METTL16: variants seen among roughly 807,000 people sequenced by gnomAD.
The protein encoded by METTL16 is RNA N(6)-adenosine-methyltransferase METTL16.
In METTL16, 19 loss-of-function variants were observed where a neutral mutation model predicts 57.9. The observed-to-expected ratio is 0.33, with a 90% CI of 0.23 to 0.48. METTL16 has a LOEUF of 0.48. METTL16 is among the 20% of genes least tolerant of loss of function. The probability of loss-of-function intolerance (pLI) is 0.99; values close to 1 mark genes in which losing one functional copy is unlikely to be tolerated. For synonymous variants in METTL16, 246 were observed against 255.6 expected (o/e 0.96, Z 0.36); for missense variants, 434 against 691.5 (o/e 0.63, Z 4.18).
chr17:2,419,550 T>G lies in METTL16; in HGVS notation c.*420A>C, dbSNP rs2151681553. On this transcript the variant is annotated 3_prime_UTR_variant, in exon 10 of 10. Coordinates refer to ENST00000263092, the MANE Select transcript of METTL16 (RefSeq NM_024086.4). ...AGAACAGGGTACCAGGGCCTCCAGC[T>G]GGAGGCAGAGAGAGCCACCCCTCCT... 1 of 455,882 alleles carries G rather than the reference T, an allele frequency of 2.2e-6. No individual in the cohort carries two copies. The highest frequency in any genetic ancestry group is 2.4e-5 in the Admixed American group (1 of 42,324). The allele number at this position is 455,882 out of a possible 1,614,324, so 28.2% of individuals were successfully genotyped here.
At chr17:2,453,570 C>T in intron 6 of METTL16, among the ~76,000 whole-genome samples, 1 of 152,202 alleles carries the variant, frequency 6.6e-6, no homozygotes, top group East Asian at 1.9e-4. Context: ...CCTGTGCTTT[C>T]TCCAAAGCAA....
intron 6 of METTL16, chr17:2,455,170 C>G (rs2067100992): frequency 5.9e-6 from 1 of 169,510 alleles, no homozygotes; most frequent in African/African-American, 2.4e-5. Flanking sequence ...CTCACTGCAA[C>G]CTCCGCCTCC....
chr17:2,479,384 C>T (rs2067288579), intron 2 of METTL16, among the ~76,000 whole-genome samples: 1 of 146,798 alleles, frequency 6.8e-6, no homozygotes, highest in Non-Finnish European at 1.5e-5. Context: ...TATGTTGCCT[C>T]AACTGGTCTT....
At chr17:2,446,903 AGTGCAGTGGCGTGATCTC>A (rs747625151) in intron 6 of METTL16, among the ~76,000 whole-genome samples, 210 of 151,780 alleles carry the variant, frequency 1.4e-3, no homozygotes, top group Non-Finnish European at 2.0e-3. Context: ...CCCAGGCTGG[AGTGCAGTGGCGTGATCTC>A]GGCTCGCTAC....
chr17:2,428,724 C>T (rs975858788), intron 8 of METTL16, among the ~76,000 whole-genome samples: 8 of 148,964 alleles, frequency 5.4e-5, no homozygotes, highest in African/African-American at 2.0e-4. Context: ...TAGTAAGACC[C>T]CATCTCTATT....
chr17:2,461,088 C>T (rs73298299), intron 6 of METTL16, among the ~76,000 whole-genome samples: 18,259 of 151,988 alleles, frequency 0.12, 3,515 homozygotes, highest in African/African-American at 0.41. Flanking sequence ...TGCGGTGGCT[C>T]GCACCTGTAA....
At chr17:2,474,386 GAA>G (rs752477163) in intron 3 of METTL16, among the ~76,000 whole-genome samples, 3,307 of 60,320 alleles carry the variant, frequency 0.055, 105 homozygotes, top group African/African-American at 0.12. Flanking sequence ...GAAACAAAAA[GAA>G]AAAAAAAAAA....
chr17:2,450,758 T>G (rs929111151), intron 6 of METTL16, among the ~76,000 whole-genome samples: 3 of 152,180 alleles, frequency 2.0e-5, no homozygotes, highest in African/African-American at 7.2e-5. Context: ...TCATTCAAAA[T>G]TCACCTAATC....
At chr17:2,447,706 G>A (rs1419603610) in intron 6 of METTL16, among the ~76,000 whole-genome samples, 19 of 137,690 alleles carry the variant, frequency 1.4e-4, no homozygotes, top group Non-Finnish European at 2.4e-4. Flanking sequence ...GAGGGGGGAG[G>A]GGGGGTCAGC....
rs945043435 is a variant in METTL16, at chr17:2,419,872, G to C, written c.*98C>G. On this transcript the variant is annotated 3_prime_UTR_variant, in exon 10 of 10. Transcript: ENST00000263092. The stretch of plus-strand genomic sequence containing the variant: ...TTGTTTTCGAAGATAATTCCACATC[G>C]TGCTACTAATGGGCCGCTGGTAGGA... The C allele has an allele frequency of 7.1e-5, 100 of 1,404,178 alleles. 1 individual carries two copies. In the South Asian group the frequency reaches 1.2e-3, roughly 17 times the overall value. 87.0% of individuals were successfully genotyped at this position (1,404,178 alleles called of 1,614,324 possible).
chr17:2,468,002 C>A (rs1275982817), intron 4 of METTL16, 126 bp from the exon 5 acceptor site: 1 of 659,548 alleles, frequency 1.5e-6, no homozygotes, highest in African/African-American at 1.8e-5. Flanking sequence ...GATTATAACA[C>A]CACATTTTTA....
chr17:2,478,328 C>T lies in METTL16; in HGVS notation c.129-443G>A, dbSNP rs1159441995. On this transcript the variant is annotated intron_variant, in intron 2 of 9. Coordinates refer to ENST00000263092, the MANE Select transcript of METTL16 (RefSeq NM_024086.4). Reference sequence around the variant, plus strand: ...ATTTTACAAATGCTAGCTGTTTTTACTCTTACCATTAACATCATCTGACAT... The same window carrying T: ...ATTTTACAAATGCTAGCTGTTTTTATTCTTACCATTAACATCATCTGACAT... Among the ~76,000 whole-genome samples, 3 of 152,158 alleles carry T rather than the reference C, an allele frequency of 2.0e-5. No homozygotes were observed. The East Asian group carries it at 5.8e-4, about 29-fold the overall frequency.
In METTL16 at chr17:2,420,166, C is replaced by G; in HGVS notation, c.1493G>C (p.Ser498Thr). 6.2e-7 allele frequency: 1 copy of G among 1,614,244 alleles called. No individual in the cohort carries two copies. The highest frequency in any genetic ancestry group is 8.5e-7 in the Non-Finnish European group (1 of 1,180,036). ...QDQEASEQFG[S>T]PVAERGKRLP... Reference sequence around the variant, plus strand: ...ACGTTTCCCCCTTTCAGCCACTGGGCTGCCGAACTGCTCAGAAGCCTCTTG... The same window carrying G: ...ACGTTTCCCCCTTTCAGCCACTGGGGTGCCGAACTGCTCAGAAGCCTCTTG... The change falls in exon 10 of 10, where the codon AGC (serine) becomes ACC (threonine). Residue 498 changes from serine (S) to threonine (T), a missense_variant. Physicochemically the swap from Ser to Thr is moderately conservative, Grantham distance 58. Around this residue, in one of 5 missense-constraint regions of METTL16, gnomAD observed 168 missense variants for 149.6 expected, o/e 1.12. Transcript: ENST00000263092. The surrounding 1 kb of genome is among the most constrained non-coding windows in gnomAD (Gnocchi z 5.4).
chr17:2,453,804 A>G (rs1022006566), intron 6 of METTL16, among the ~76,000 whole-genome samples: 2 of 152,228 alleles, frequency 1.3e-5, no homozygotes, highest in African/African-American at 4.8e-5. Context: ...TTATACATCA[A>G]AAACTATTTG....
chr17:2,422,712 G>A (rs1242211742), intron 8 of METTL16, among the ~76,000 whole-genome samples: 1 of 152,132 alleles, frequency 6.6e-6, no homozygotes, highest in African/African-American at 2.4e-5. Context: ...GGCTGGGTGT[G>A]GTGGCTTATG....
rs111428550 is a variant in METTL16 at position 2,482,453 on chromosome 17, T to G, written c.129-4568A>C. Among the ~76,000 whole-genome samples the G allele has an allele frequency of 2.4e-4, 36 of 152,218 alleles. 1 individual carries two copies. The highest frequency in any genetic ancestry group is 7.5e-4 in the African/African-American group (31 of 41,526). ...ACACCTGTGAACCGTGGCTACATAA[T>G]AAAATGTAAGTGTTTACAAACCACG... On this transcript the variant is annotated intron_variant, in intron 2 of 9. Transcript: ENST00000263092.
chr17:2,438,046 T>C, intron 8 of METTL16, 63 bp downstream of exon 8: 1 of 1,180,858 alleles, frequency 8.5e-7, no homozygotes, highest in Non-Finnish European at 1.3e-6. Flanking sequence ...TCAGTTCACT[T>C]ATGATGGACT....
chr17:2,481,775 A>G (rs1320811312), intron 2 of METTL16, among the ~76,000 whole-genome samples: 1 of 152,184 alleles, frequency 6.6e-6, no homozygotes, highest in African/African-American at 2.4e-5. Context: ...CTTTCCAGAA[A>G]TAGAAGGCTC....
At chr17:2,424,193 A>G (rs1160220778) in intron 8 of METTL16, 4 of 148,840 alleles carry the variant, frequency 2.7e-5, no homozygotes, top group Non-Finnish European at 4.5e-5. Context: ...GGCTCACTGC[A>G]AGCTCCGCCT....
Sources: gnomAD v4.1 joint callset for allele counts (sites outside exome capture counted in the v4.1 genomes callset) on GRCh38, gnomAD v4.1.1 for gene constraint, gnomAD v4.1.1 regional missense constraint, Gnocchi (gnomAD v3.1) non-coding constraint, MANE v1.5 for transcripts, NCBI Gene and HGNC (gene_info 2026-07-23, HGNC 2026-07-21) for gene names.